The following PTK2 variants were observed in gnomAD, a reference collection of about 807,000 sequenced individuals.
The protein encoded by PTK2 is focal adhesion kinase 1.
Under a neutral mutation model 150.1 loss-of-function variants are expected in PTK2, and 45 were observed. That is an observed-to-expected ratio of 0.30 (90% CI 0.24 to 0.38). The LOEUF (loss-of-function observed/expected upper bound fraction) is 0.38, where lower values mean the gene tolerates loss of function less well. Among genes scored for constraint, PTK2 ranks in the 10% least tolerant of loss-of-function variants. PTK2 has a pLI of 1.00. For synonymous variants in PTK2, 432 were observed against 449.2 expected (o/e 0.96, Z 0.48); for missense variants, 919 against 1,307.3 (o/e 0.70, Z 4.58).
chr8:140,658,347 C>A (rs1014055556), exon 32 of PTK2: 3 of 175,312 alleles, frequency 1.7e-5, no homozygotes, highest in Non-Finnish European at 3.7e-5. Flanking sequence ...TGACAAGTCA[C>A]CTGAAAAGCC....
rs566964371 is a variant in PTK2 at position 140,819,836 on chromosome 8, G to A, written c.649-816C>T. Among the ~76,000 whole-genome samples the A allele has an allele frequency of 2.0e-5, 3 of 152,136 alleles. No homozygotes were observed. The East Asian group carries it at 5.8e-4, about 29-fold the overall frequency. ...TCTTCCAGTCCTTTTTCGCTTATTT[G>A]AGTTTTCTACTTAAACACATGGAAA... On this transcript the variant is annotated intron_variant, in intron 8 of 31. Coordinates refer to ENST00000522684, the Ensembl canonical transcript of PTK2.
chr8:140,947,333 T>A (rs2100178036), intron 1 of PTK2, among the ~76,000 whole-genome samples: 1 of 152,168 alleles, frequency 6.6e-6, no homozygotes, highest in Admixed American at 6.5e-5. Flanking sequence ...CTACAAACAA[T>A]GTCTCAATAA....
chr8:140,679,693 G>T (rs1259549923), intron 27 of PTK2, among the ~76,000 whole-genome samples: 1 of 152,224 alleles, frequency 6.6e-6, no homozygotes, highest in African/African-American at 2.4e-5. Flanking sequence ...CTGTCAACCT[G>T]TGTATTAAAG....
intron 12 of PTK2, among the ~76,000 whole-genome samples, chr8:140,795,814 T>G (rs1339557777): frequency 6.6e-6 from 1 of 152,210 alleles, no homozygotes; most frequent in Non-Finnish European, 1.5e-5. Flanking sequence ...ATTCCCTGAT[T>G]CTATACTACT....
At chr8:140,891,639 T>C (rs534173506) in intron 2 of PTK2, among the ~76,000 whole-genome samples, 1 of 152,322 alleles carries the variant, frequency 6.6e-6, no homozygotes, top group South Asian at 2.1e-4. Context: ...AGCAGAGCTT[T>C]CGGCAGCAAG....
At chr8:140,790,727 C>G (rs2100087926) in intron 13 of PTK2, among the ~76,000 whole-genome samples, 1 of 152,112 alleles carries the variant, frequency 6.6e-6, no homozygotes, top group South Asian at 2.1e-4. Flanking sequence ...ACAGAATTCT[C>G]CAAATATTTG....
chr8:140,943,464 C>T (rs180764504), intron 1 of PTK2, among the ~76,000 whole-genome samples: 15 of 152,316 alleles, frequency 9.8e-5, no homozygotes, highest in Admixed American at 2.6e-4. Flanking sequence ...GTACCAAAAT[C>T]TGTTTATCCA....
intron 26 of PTK2, among the ~76,000 whole-genome samples, chr8:140,688,689 C>T (rs2100021385): frequency 6.6e-6 from 1 of 152,206 alleles, no homozygotes; most frequent in Non-Finnish European, 1.5e-5. Flanking sequence ...CACTGCACTA[C>T]AGCCTGGGTG....
At chr8:140,900,558 C>T (rs963147144) in intron 2 of PTK2, among the ~76,000 whole-genome samples, 1 of 151,910 alleles carries the variant, frequency 6.6e-6, no homozygotes, top group Admixed American at 6.6e-5. Flanking sequence ...CCCATCTCTA[C>T]TAAAATTACA....
chr8:140,885,543 G>C (rs573988409), intron 3 of PTK2, among the ~76,000 whole-genome samples: 1 of 152,296 alleles, frequency 6.6e-6, no homozygotes, highest in South Asian at 2.1e-4. Flanking sequence ...AATAGTGACA[G>C]AAAAACAGCA....
chr8:140,719,882 C>T (rs543817419), intron 22 of PTK2, among the ~76,000 whole-genome samples: 1 of 85,160 alleles, frequency 1.2e-5, no homozygotes, highest in Admixed American at 1.3e-4. Context: ...TGAGACTTGT[C>T]TCACCAAAAA....
At chr8:140,861,722 CAATT>C (rs1417680931) in intron 5 of PTK2, among the ~76,000 whole-genome samples, 3 of 152,078 alleles carry the variant, frequency 2.0e-5, no homozygotes, top group Non-Finnish European at 2.9e-5. Context: ...GTATATGAAA[CAATT>C]AAGCACAAAG....
intron 26 of PTK2, among the ~76,000 whole-genome samples, chr8:140,690,331 T>C (rs1356243301): frequency 6.6e-6 from 1 of 151,882 alleles, no homozygotes; most frequent in Non-Finnish European, 1.5e-5. Flanking sequence ...GGCACAATCA[T>C]AGTGCATTAC....
intron 25 of PTK2, 136 bp downstream of exon 28, chr8:140,702,434 G>T: frequency 8.7e-7 from 1 of 1,152,104 alleles, no homozygotes; most frequent in Non-Finnish European, 1.2e-6. Context: ...GCCCAGTCTG[G>T]TTTCAAACTC....
intron 4 of PTK2, among the ~76,000 whole-genome samples, chr8:140,874,050 C>G (rs1279026226): frequency 6.6e-6 from 1 of 152,164 alleles, no homozygotes; most frequent in African/African-American, 2.4e-5. Context: ...ACTACTTGTA[C>G]ATCTCATAGA....
At chr8:140,895,831 CATAA>C (rs999382285) in intron 2 of PTK2, among the ~76,000 whole-genome samples, 20 of 151,892 alleles carry the variant, frequency 1.3e-4, no homozygotes, top group Admixed American at 2.0e-4. Context: ...TCATGTACCC[CATAA>C]ATATATATAT....
intron 10 of PTK2, among the ~76,000 whole-genome samples, chr8:140,810,718 C>T (rs1024262246): frequency 3.3e-5 from 5 of 152,210 alleles, no homozygotes; most frequent in East Asian, 1.9e-4. Flanking sequence ...CCACCTCAGT[C>T]GGAGCCTTGG....
At chr8:140,807,441 T>C (rs1476712325) in intron 10 of PTK2, among the ~76,000 whole-genome samples, 1 of 152,104 alleles carries the variant, frequency 6.6e-6, no homozygotes, top group African/African-American at 2.4e-5. Flanking sequence ...CTGCACACAA[T>C]ATATAAGCAA....
At chr8:140,733,344 A>C (rs1248723939) in intron 22 of PTK2, among the ~76,000 whole-genome samples, 3 of 152,234 alleles carry the variant, frequency 2.0e-5, no homozygotes, top group Admixed American at 2.0e-4. Flanking sequence ...GACCAGAACT[A>C]TAGACAGACA....
Sources: allele counts gnomAD v4.1 joint callset (sites outside exome capture counted in the v4.1 genomes callset), GRCh38; gene constraint gnomAD v4.1.1; transcripts MANE v1.5; gene names NCBI Gene and HGNC (gene_info 2026-07-23, HGNC 2026-07-21).